BRD10: variants seen among roughly 807,000 people sequenced by gnomAD.
The protein encoded by BRD10 is uncharacterized bromodomain-containing protein 10.
At chr9:5,917,104 A>C in the BRD10 span, among the ~76,000 whole-genome samples, 1 of 152,236 alleles carries the variant, frequency 6.6e-6, no homozygotes, top group Non-Finnish European at 1.5e-5. Flanking sequence ...ATATACATTG[A>C]ATACAGTGTG....
chr9:6,005,176 T>A, the BRD10 span, among the ~76,000 whole-genome samples: 1 of 152,226 alleles, frequency 6.6e-6, no homozygotes, highest in African/African-American at 2.4e-5. Flanking sequence ...GAAATTTACC[T>A]TTATGTAGTT....
the BRD10 span, among the ~76,000 whole-genome samples, chr9:5,994,205 C>T: frequency 6.6e-6 from 1 of 150,492 alleles, no homozygotes; most frequent in Admixed American, 6.6e-5. Flanking sequence ...TGCTTATTTA[C>T]TCTCTCATTT....
At chr9:5,973,581 A>G in the BRD10 span, among the ~76,000 whole-genome samples, 1 of 152,330 alleles carries the variant, frequency 6.6e-6, no homozygotes, top group African/African-American at 2.4e-5. Flanking sequence ...ACACAAATCA[A>G]TATCTAACAT....
chr9:5,899,416 T>C, the BRD10 span, among the ~76,000 whole-genome samples: 1 of 152,126 alleles, frequency 6.6e-6, no homozygotes. Flanking sequence ...TTCCAGAGCA[T>C]AAATACAAAT....
the BRD10 span, chr9:6,007,723 G>A: frequency 1.9e-6 from 3 of 1,598,756 alleles, 1 homozygote; most frequent in South Asian, 3.3e-5. Context: ...TCCTTCGGCC[G>A]CCGGTGGCGG....
chr9:5,938,764 T>G, the BRD10 span, among the ~76,000 whole-genome samples: 312 of 152,340 alleles, frequency 2.0e-3, no homozygotes, highest in African/African-American at 7.3e-3. Flanking sequence ...ACAGCTGAGA[T>G]AGTTTTCAGT....
At chr9:5,915,360 A>G in the BRD10 span, among the ~76,000 whole-genome samples, 1 of 152,322 alleles carries the variant, frequency 6.6e-6, no homozygotes, top group Admixed American at 6.5e-5. Context: ...CGGGCTAAGT[A>G]CTTTAGGTAA....
the BRD10 span, among the ~76,000 whole-genome samples, chr9:5,900,134 T>C: frequency 1.3e-5 from 2 of 152,326 alleles, no homozygotes; most frequent in Admixed American, 6.5e-5. Flanking sequence ...TGAACACAAA[T>C]GCAGTAATTT....
the BRD10 span, among the ~76,000 whole-genome samples, chr9:5,954,337 C>G: frequency 2.6e-5 from 4 of 152,174 alleles, no homozygotes; most frequent in Non-Finnish European, 5.9e-5. Context: ...ATTACCATCT[C>G]CAATGTGTTA....
the BRD10 span, among the ~76,000 whole-genome samples, chr9:5,940,033 T>C: frequency 6.6e-6 from 1 of 152,244 alleles, no homozygotes; most frequent in African/African-American, 2.4e-5. Flanking sequence ...CACCCTTTGG[T>C]TAGGTAAGAG....
At chr9:5,992,903 G>A in the BRD10 span, among the ~76,000 whole-genome samples, 8 of 134,392 alleles carry the variant, frequency 6.0e-5, no homozygotes, top group African/African-American at 2.1e-4. Context: ...AAAAATAGAT[G>A]TTTGAACACT....
the BRD10 span, among the ~76,000 whole-genome samples, chr9:5,930,475 T>A: frequency 6.6e-6 from 1 of 151,534 alleles, no homozygotes; most frequent in Admixed American, 6.6e-5. Flanking sequence ...AAATATTCTG[T>A]GCTTTAAACC....
chr9:5,887,673 C>A, the BRD10 span, among the ~76,000 whole-genome samples: 3 of 152,194 alleles, frequency 2.0e-5, no homozygotes, highest in African/African-American at 7.2e-5. Context: ...GTTGGAGTTG[C>A]TCTCTCCAAA....
chr9:6,000,294 C>T, the BRD10 span, among the ~76,000 whole-genome samples: 1 of 152,082 alleles, frequency 6.6e-6, no homozygotes, highest in African/African-American at 2.4e-5. Context: ...GGCTTATTAG[C>T]CTTTCCCAAT....
chr9:5,988,714 C>T, the BRD10 span, among the ~76,000 whole-genome samples: 1 of 151,644 alleles, frequency 6.6e-6, no homozygotes, highest in East Asian at 1.9e-4. Flanking sequence ...TCTCATACTC[C>T]TTATGTCATA....
At chr9:5,923,321 A>G in the BRD10 span, 3 of 1,569,524 alleles carry the variant, frequency 1.9e-6, no homozygotes, top group African/African-American at 4.1e-5. Context: ...TGAAAATTAT[A>G]AAAACGGGCA....
the BRD10 span, among the ~76,000 whole-genome samples, chr9:5,964,830 C>A: frequency 6.1e-5 from 7 of 113,996 alleles, no homozygotes; most frequent in Admixed American, 7.0e-4. Context: ...ACCGCATATT[C>A]TCACTCATAG....
the BRD10 span, chr9:5,920,669 G>C: frequency 5.6e-6 from 9 of 1,613,898 alleles, no homozygotes; most frequent in Admixed American, 8.3e-5. Context: ...TTTAGAAATA[G>C]ATACAGAACG....
chr9:5,939,855 G>A, the BRD10 span, among the ~76,000 whole-genome samples: 1 of 152,200 alleles, frequency 6.6e-6, no homozygotes, highest in Non-Finnish European at 1.5e-5. Flanking sequence ...TTAAATGCCA[G>A]TGCCACTTCT....
Sources: gnomAD v4.1 joint callset for allele counts (sites outside exome capture counted in the v4.1 genomes callset) on GRCh38, gnomAD v4.1.1 for gene constraint, MANE v1.5 for transcripts, NCBI Gene and HGNC (gene_info 2026-07-23, HGNC 2026-07-21) for gene names.